The following RABGAP1L variants were observed in gnomAD, a reference collection of about 807,000 sequenced individuals.
RABGAP1L encodes the protein rab GTPase-activating protein 1-like.
RABGAP1L carries 63 observed loss-of-function variants against 137.7 expected under a neutral mutation model. The ratio of observed to expected loss-of-function variants is 0.46; its 90% CI spans 0.37 to 0.56. The LOEUF (loss-of-function observed/expected upper bound fraction) is 0.56, where lower values mean the gene tolerates loss of function less well. Ranked by LOEUF, RABGAP1L falls within the 20% of genes least tolerant of loss-of-function variation. The pLI is 0.00. For missense variants in RABGAP1L, 1,095 were observed against 1,244.0 expected, an observed-to-expected ratio of 0.88 and a Z score of 1.80; for synonymous variants, 431 against 433.7, an observed-to-expected ratio of 0.99 and a Z score of 0.08.
intron 7 of RABGAP1L, among the ~76,000 whole-genome samples, chr1:174,266,202 G>A (rs1674059835): frequency 6.6e-6 from 1 of 152,138 alleles, no homozygotes; most frequent in South Asian, 2.1e-4. Context: ...TTTGTAAATT[G>A]TGAATAAAAC....
intron 13 of RABGAP1L, chr1:174,548,141 C>T (rs1488411147): frequency 2.7e-6 from 4 of 1,500,474 alleles, no homozygotes; most frequent in Non-Finnish European, 3.6e-6. Context: ...GGATCATTTC[C>T]CAGGTTGATG....
At chr1:174,829,068 G>C (rs1691853750) in intron 19 of RABGAP1L, among the ~76,000 whole-genome samples, 1 of 147,722 alleles carries the variant, frequency 6.8e-6, no homozygotes, top group African/African-American at 2.5e-5. Context: ...TAGTCATTAT[G>C]ACTCTAGTTT....
At chr1:174,821,242 C>T (rs1032366866) in intron 19 of RABGAP1L, among the ~76,000 whole-genome samples, 2 of 152,048 alleles carry the variant, frequency 1.3e-5, no homozygotes, top group African/African-American at 2.4e-5. Context: ...GTGCAGGTAG[C>T]GGGAATGAGG....
chr1:174,646,535 A>G (rs1387183419), intron 14 of RABGAP1L, among the ~76,000 whole-genome samples: 3 of 152,068 alleles, frequency 2.0e-5, no homozygotes, highest in Non-Finnish European at 4.4e-5. Flanking sequence ...GTGTGGTGTT[A>G]TTTCTGAGGC....
At chr1:174,699,761 G>A (rs1679511017) in intron 16 of RABGAP1L, 111 bp downstream of exon 16, 6 of 1,077,772 alleles carry the variant, frequency 5.6e-6, no homozygotes, top group Non-Finnish European at 6.6e-6. Context: ...GAATATTATA[G>A]AAAATGTACA....
At chr1:174,922,640 G>A (rs915347757) in intron 19 of RABGAP1L, among the ~76,000 whole-genome samples, 2 of 152,120 alleles carry the variant, frequency 1.3e-5, no homozygotes, top group African/African-American at 2.4e-5. Flanking sequence ...GATATTCATG[G>A]TCTCCTCTAT....
intron 20 of RABGAP1L, among the ~76,000 whole-genome samples, chr1:174,967,216 T>G (rs1217515928): frequency 6.6e-6 from 1 of 151,332 alleles, no homozygotes; most frequent in Non-Finnish European, 1.5e-5. Flanking sequence ...CAGGCTAGAG[T>G]GCAGTGGCAT....
At position 174,455,292 on chromosome 1, in the gene RABGAP1L, A is replaced by G. The variant is rs112989808; in HGVS notation, c.1710+61147A>G. Among the ~76,000 whole-genome samples, 8 of 152,350 alleles carry G rather than the reference A, an allele frequency of 5.3e-5. No individual in the cohort carries two copies. The East Asian group carries it at 1.5e-3, about 29-fold the overall frequency. Reference sequence around the variant, plus strand: ...TGAAAACTTCCAAAAAGGATATTTTATACAAAAGAAATACCTATCATTGAC... The same window carrying G: ...TGAAAACTTCCAAAAAGGATATTTTGTACAAAAGAAATACCTATCATTGAC... On this transcript the variant is annotated intron_variant, in intron 13 of 25. Coordinates refer to ENST00000681986, the MANE Select transcript of RABGAP1L (RefSeq NM_001366446.1).
intron 18 of RABGAP1L, among the ~76,000 whole-genome samples, chr1:174,752,783 C>A (rs1229118306): frequency 6.6e-6 from 1 of 152,134 alleles, no homozygotes; most frequent in African/African-American, 2.4e-5. Context: ...AAAGAAACTG[C>A]TACATTTCAA....
At chr1:174,743,863 T>G (rs1298239209) in intron 17 of RABGAP1L, among the ~76,000 whole-genome samples, 1 of 151,906 alleles carries the variant, frequency 6.6e-6, no homozygotes, top group Non-Finnish European at 1.5e-5. Context: ...ATTCTTGAAC[T>G]CTTTCTCATT....
At chr1:174,303,445 G>A (rs1423432354) in intron 10 of RABGAP1L, among the ~76,000 whole-genome samples, 1 of 152,102 alleles carries the variant, frequency 6.6e-6, no homozygotes, top group East Asian at 1.9e-4. Flanking sequence ...TTTAATATTT[G>A]ATGATGGCAT....
intron 24 of RABGAP1L, among the ~76,000 whole-genome samples, chr1:174,985,686 G>A (rs907591352): frequency 1.3e-3 from 200 of 152,274 alleles, no homozygotes; most frequent in Middle Eastern, 3.4e-3. Context: ...CAGAATGAGT[G>A]TTCCCAAATA....
intron 19 of RABGAP1L, among the ~76,000 whole-genome samples, chr1:174,870,022 C>T (rs1391751914): frequency 6.6e-6 from 1 of 152,132 alleles, no homozygotes; most frequent in South Asian, 2.1e-4. Flanking sequence ...GTCACATAGC[C>T]AGTGAGTGGT....
At chr1:174,578,780 G>C (rs1458271811) in intron 13 of RABGAP1L, among the ~76,000 whole-genome samples, 1 of 151,646 alleles carries the variant, frequency 6.6e-6, no homozygotes, top group African/African-American at 2.4e-5. Flanking sequence ...TATTTTCTAA[G>C]ATAAATTCTT....
chr1:174,846,205 GT>G (rs1416695619), intron 19 of RABGAP1L, among the ~76,000 whole-genome samples: 1 of 146,202 alleles, frequency 6.8e-6, no homozygotes, highest in African/African-American at 2.5e-5. Flanking sequence ...TTTTTGAAGG[GT>G]TTTTTGTGTC....
At chr1:174,463,693 G>C (rs1412353171) in intron 13 of RABGAP1L, among the ~76,000 whole-genome samples, 2 of 151,592 alleles carry the variant, frequency 1.3e-5, no homozygotes, top group African/African-American at 4.9e-5. Flanking sequence ...ACATATGTGT[G>C]GCCAACAAAG....
rs754035458 is a variant in RABGAP1L at position 174,637,470 on chromosome 1, G to C, written c.1806G>C (p.Ser602=). ...ATACTGGAGGAGATGGTCAAGAATC[G>C]CTCTATAAGATCTGCAAGGTAGGAC... ...FKDTGGDGQE[S]LYKICKAYSV... The change falls in exon 14 of 26, where the codon TCG becomes TCC. Residue 602 remains serine (S), a synonymous_variant. Coordinates refer to ENST00000681986, the MANE Select transcript of RABGAP1L (RefSeq NM_001366446.1). 5.6e-6 allele frequency: 9 copies of C among 1,605,382 alleles called. No individual in the cohort carries two copies. Among genetic ancestry groups the C allele is most frequent in the Non-Finnish European group, 7.7e-6 (9 of 1,172,218 alleles).
intron 1 of RABGAP1L, among the ~76,000 whole-genome samples, chr1:174,163,783 A>G (rs1258171210): frequency 6.6e-6 from 1 of 151,746 alleles, no homozygotes; most frequent in African/African-American, 2.4e-5. Context: ...TTTTTTTAAT[A>G]AAAGGCTGAT....
chr1:174,304,613 T>A (rs1298210472), intron 10 of RABGAP1L, among the ~76,000 whole-genome samples: 1 of 152,114 alleles, frequency 6.6e-6, no homozygotes, highest in Non-Finnish European at 1.5e-5. Context: ...TGTATACAGT[T>A]GTAAAAATTC....
Sources: gnomAD v4.1 joint callset for allele counts (sites outside exome capture counted in the v4.1 genomes callset) on GRCh38, gnomAD v4.1.1 for gene constraint, MANE v1.5 for transcripts, NCBI Gene and HGNC (gene_info 2026-07-23, HGNC 2026-07-21) for gene names.